The following HNF4G variants were observed in gnomAD, a reference collection of about 807,000 sequenced individuals.
HNF4G encodes hepatocyte nuclear factor 4-gamma.
HNF4G carries 21 observed loss-of-function variants against 50.9 expected under a neutral mutation model. The observed-to-expected ratio is 0.41, with a 90% CI of 0.29 to 0.59. HNF4G has a LOEUF of 0.59. HNF4G is among the 20% of genes least tolerant of loss of function. HNF4G has a pLI of 0.26. For synonymous variants in HNF4G, 198 were observed against 185.6 expected (o/e 1.07, Z -0.54); for missense variants, 527 against 559.4 (o/e 0.94, Z 0.58).
intron 1 of HNF4G, among the ~76,000 whole-genome samples, chr8:75,443,915 A>G (rs1434662221): frequency 6.6e-6 from 1 of 152,214 alleles, no homozygotes; most frequent in Non-Finnish European, 1.5e-5. Flanking sequence ...CTAGATATTA[A>G]TTAAACTCTA....
intron 1 of HNF4G, among the ~76,000 whole-genome samples, chr8:75,481,173 T>C (rs1304546180): frequency 1.3e-5 from 2 of 152,182 alleles, no homozygotes; most frequent in Non-Finnish European, 2.9e-5. Flanking sequence ...TTTAGATAAT[T>C]CCATAAAGTA....
intron 1 of HNF4G, among the ~76,000 whole-genome samples, chr8:75,449,712 T>A (rs549726118): frequency 3.3e-5 from 5 of 151,908 alleles, no homozygotes; most frequent in African/African-American, 9.7e-5. Context: ...TTTCACCGTG[T>A]TAGCCCGGAT....
intron 1 of HNF4G, among the ~76,000 whole-genome samples, chr8:75,479,412 A>G (rs180922940): frequency 2.6e-5 from 4 of 152,294 alleles, no homozygotes; most frequent in Admixed American, 2.0e-4. Flanking sequence ...ATTTTTAGTA[A>G]CCTAAAATTT....
chr8:75,547,336 T>C lies in HNF4G; in HGVS notation c.288-251T>C, dbSNP rs1406200779. On this transcript the variant is annotated intron_variant, in intron 2 of 9. Transcript: ENST00000396423. ...TGGCTTTCATGACTCATGATAAAAG[T>C]GGTTATGCACAGCAGCCAAAATGAA... Among the ~76,000 whole-genome samples, 3 of 152,302 alleles carry C rather than the reference T, an allele frequency of 2.0e-5. No homozygotes were observed. The East Asian group carries it at 5.8e-4, about 29-fold the overall frequency.
At chr8:75,459,233 C>T (rs1008443267) in intron 1 of HNF4G, among the ~76,000 whole-genome samples, 13 of 152,118 alleles carry the variant, frequency 8.5e-5, no homozygotes, top group African/African-American at 2.9e-4. Context: ...TAAATAATAA[C>T]ACCAAATGTA....
chr8:75,535,508 G>A (rs1806439618), upstream of HNF4G, among the ~76,000 whole-genome samples: 1 of 151,680 alleles, frequency 6.6e-6, no homozygotes, highest in Non-Finnish European at 1.5e-5. Flanking sequence ...TCTTCATTTA[G>A]CTTTTAGTGA....
In HNF4G at chr8:75,509,756, TG is replaced by T. The variant is rs564792558; in HGVS notation, c.-24+19552del. ...TGATGTCATAGCTGTTATAATGTCA[TG>T]GGGCAATGCATTATTCACATGTTTG... On this transcript the variant is annotated intron_variant, in intron 2 of 10. Coordinates refer to the HNF4G transcript ENST00000354370. Among the ~76,000 whole-genome samples, 10 of 152,308 alleles carry T rather than the reference TG, an allele frequency of 6.6e-5. No individual in the cohort carries two copies. In the South Asian group the frequency reaches 2.1e-3, roughly 32 times the overall value.
intron 1 of HNF4G, among the ~76,000 whole-genome samples, chr8:75,465,608 T>C (rs963874403): frequency 2.0e-5 from 3 of 151,924 alleles, no homozygotes; most frequent in Non-Finnish European, 2.9e-5. Context: ...AATGGAAATA[T>C]GTATTATGCC....
intron 1 of HNF4G, among the ~76,000 whole-genome samples, chr8:75,442,471 G>A (rs1402111880): frequency 6.6e-6 from 1 of 152,106 alleles, no homozygotes; most frequent in African/African-American, 2.4e-5. Flanking sequence ...CACTGTGGAA[G>A]GCCAAGGTGG....
intron 2 of HNF4G, among the ~76,000 whole-genome samples, chr8:75,519,008 T>C (rs768183965): frequency 6.6e-5 from 10 of 152,210 alleles, no homozygotes; most frequent in Admixed American, 1.3e-4. Context: ...CATATCTTTT[T>C]GAATACATAA....
chr8:75,483,511 C>T (rs1812428609), intron 1 of HNF4G, among the ~76,000 whole-genome samples: 1 of 152,136 alleles, frequency 6.6e-6, no homozygotes, highest in African/African-American at 2.4e-5. Context: ...TGCAGTGAGG[C>T]CATTTCTTTT....
intron 6 of HNF4G, among the ~76,000 whole-genome samples, chr8:75,556,461 G>A (rs527683584): frequency 4.5e-4 from 69 of 152,054 alleles, no homozygotes; most frequent in African/African-American, 1.2e-3. Flanking sequence ...ACATGTTTAC[G>A]TCCTATGATC....
In HNF4G at chr8:75,488,133, C is replaced by T. The variant is rs186019965; in HGVS notation, c.-143-1956C>T. On this transcript the variant is annotated intron_variant, in intron 1 of 10. Transcript: ENST00000354370. ...GGGACACAGACAAACCATATCACTC[C>T]TTGAGGGTAGGAACCATGCTTTATA... 2.2e-4 allele frequency among the ~76,000 whole-genome samples: 33 copies of T among 152,246 alleles called. No individual in the cohort carries two copies. The East Asian group carries it at 6.4e-3, about 29-fold the overall frequency.
At chr8:75,563,763 CT>C (rs1458538556) in intron 9 of HNF4G, among the ~76,000 whole-genome samples, 1 of 152,048 alleles carries the variant, frequency 6.6e-6, no homozygotes, top group African/African-American at 2.4e-5. Context: ...AACATGACCT[CT>C]TTCTATTTAA....
intron 1 of HNF4G, among the ~76,000 whole-genome samples, chr8:75,476,210 C>T (rs1183848343): frequency 1.3e-5 from 2 of 152,136 alleles, no homozygotes; most frequent in Non-Finnish European, 2.9e-5. Flanking sequence ...TTTTCTGTTT[C>T]TAAGTTATTT....
chr8:75,551,498 C>T lies in HNF4G; in HGVS notation c.489+4C>T. ...AGCTGAAGTTCGGTCTCGCCAGGTA[C>T]CTGTGGCACGGCAGCATCAAACCCT... On this transcript the variant is annotated splice_donor_region_variant and intron_variant, in intron 4 of 9. Coordinates refer to ENST00000396423, the MANE Select transcript of HNF4G (RefSeq NM_004133.5). 1.3e-6 allele frequency: 2 copies of T among 1,531,016 alleles called. No homozygotes were observed. The highest frequency in any genetic ancestry group is 1.8e-6 in the Non-Finnish European group (2 of 1,104,586). 94.8% of individuals were successfully genotyped at this position (1,531,016 alleles called of 1,614,324 possible).
intron 2 of HNF4G, among the ~76,000 whole-genome samples, chr8:75,497,659 G>T (rs1202826998): frequency 6.6e-6 from 1 of 150,898 alleles, no homozygotes; most frequent in Admixed American, 6.6e-5. Context: ...ACTCCAGCCT[G>T]GGTGACAAAG....
At position 75,421,955 on chromosome 8, in the gene HNF4G, G is replaced by A. The variant is rs77139118; in HGVS notation, c.-144+13793G>A. ...TGTTTGTTTCTATGTGTGTGTGCGC[G>A]TCAGGTGGAGGGTAGATGGAGAAAG... On this transcript the variant is annotated intron_variant, in intron 1 of 10. Coordinates refer to the HNF4G transcript ENST00000354370. Among the ~76,000 whole-genome samples, 404 of 152,246 alleles carry A rather than the reference G, an allele frequency of 2.7e-3. 1 individual carries two copies. Among genetic ancestry groups the A allele is most frequent in the African/African-American group, 8.7e-3 (360 of 41,544 alleles).
chr8:75,533,555 C>G (rs539504687), intron 2 of HNF4G, among the ~76,000 whole-genome samples: 18 of 151,956 alleles, frequency 1.2e-4, no homozygotes, highest in Non-Finnish European at 2.1e-4. Flanking sequence ...GTGTTTAGTT[C>G]ATATTATATT....
Sources: allele counts gnomAD v4.1 joint callset (sites outside exome capture counted in the v4.1 genomes callset), GRCh38; gene constraint gnomAD v4.1.1; transcripts MANE v1.5; gene names NCBI Gene and HGNC (gene_info 2026-07-23, HGNC 2026-07-21).